Variants in EYA3 observed in about 807,000 individuals in gnomAD.
EYA3 encodes the protein EYA transcriptional coactivator and phosphatase 3, also known as protein phosphatase EYA3.
A neutral mutation model predicts 80.0 loss-of-function variants in EYA3; 39 were observed. The observed-to-expected ratio is 0.49, with a 90% CI of 0.38 to 0.64. The LOEUF (loss-of-function observed/expected upper bound fraction) is 0.64. Ranked by LOEUF, EYA3 falls within the 30% of genes least tolerant of loss-of-function variation. EYA3 has a pLI of 0.00. For missense variants in EYA3, 523 were observed against 676.1 expected (o/e 0.77, Z 2.51); for synonymous variants, 206 against 232.8 (o/e 0.88, Z 1.05).
chr1:28,051,494 G>A (rs1205038962), intron 2 of EYA3, among the ~76,000 whole-genome samples: 1 of 151,932 alleles, frequency 6.6e-6, no homozygotes, highest in East Asian at 1.9e-4. Context: ...CCGAGACCAG[G>A]CTGGCCAACA....
At chr1:27,978,191 CT>C (rs1160486012) in intron 17 of EYA3, among the ~76,000 whole-genome samples, 182 bp downstream of exon 17, 2 of 151,844 alleles carry the variant, frequency 1.3e-5, no homozygotes, top group Admixed American at 6.6e-5. Context: ...GATCTAAAAA[CT>C]TAAGAGGAAA....
intron 11 of EYA3, among the ~76,000 whole-genome samples, chr1:28,004,051 G>C (rs1213364850): frequency 3.9e-5 from 6 of 152,100 alleles, no homozygotes; most frequent in African/African-American, 1.4e-4. Context: ...GCTCTATTTT[G>C]AGCCTCATTT....
intron 16 of EYA3, 55 bp from the exon 17 acceptor site, chr1:27,978,529 A>C: frequency 6.9e-7 from 1 of 1,450,018 alleles, no homozygotes; most frequent in East Asian, 2.3e-5. Flanking sequence ...TTTCAAAACC[A>C]AAGAAGAGGG....
intron 2 of EYA3, among the ~76,000 whole-genome samples, chr1:28,052,631 T>C (rs986117757): frequency 1.3e-5 from 2 of 152,154 alleles, no homozygotes; most frequent in African/African-American, 4.8e-5. Flanking sequence ...CTTAGGAGAA[T>C]ATGTATGCTC....
intron 1 of EYA3, among the ~76,000 whole-genome samples, chr1:28,063,008 CA>C (rs1250302998): frequency 0.087 from 7,383 of 85,176 alleles, 218 homozygotes; most frequent in Middle Eastern, 0.21. Context: ...CGCTCCATCT[CA>C]AAAAAAAAAA....
At chr1:28,052,200 G>A (rs1644276363) in intron 2 of EYA3, among the ~76,000 whole-genome samples, 1 of 152,052 alleles carries the variant, frequency 6.6e-6, no homozygotes, top group Non-Finnish European at 1.5e-5. Context: ...TAACGGAGAT[G>A]GGGTTTCACC....
intron 1 of EYA3, among the ~76,000 whole-genome samples, chr1:28,083,903 G>A (rs901704793): frequency 1.3e-5 from 2 of 152,176 alleles, no homozygotes; most frequent in Non-Finnish European, 2.9e-5. Flanking sequence ...TACACAGTAG[G>A]TGCCTAAACA....
At chr1:28,051,237 TCCA>T (rs1557618896) in intron 2 of EYA3, among the ~76,000 whole-genome samples, 12 of 152,020 alleles carry the variant, frequency 7.9e-5, no homozygotes, top group South Asian at 2.1e-4. Flanking sequence ...TCCTAACGAA[TCCA>T]TTAAGAAACC....
chr1:27,988,237 C>T (rs1639800209), intron 16 of EYA3, among the ~76,000 whole-genome samples: 1 of 152,100 alleles, frequency 6.6e-6, no homozygotes, highest in Non-Finnish European at 1.5e-5. Flanking sequence ...ATACTACATA[C>T]TCTCTGTGAA....
At chr1:28,007,623 C>A (rs143690733) in intron 10 of EYA3, among the ~76,000 whole-genome samples, 1 of 152,020 alleles carries the variant, frequency 6.6e-6, no homozygotes, top group African/African-American at 2.4e-5. Context: ...TGAGCCACTG[C>A]GCCCGGCCAA....
intron 7 of EYA3, among the ~76,000 whole-genome samples, chr1:28,026,543 G>A (rs1220835228): frequency 3.3e-5 from 5 of 152,084 alleles, no homozygotes; most frequent in African/African-American, 7.2e-5. Flanking sequence ...ACTTTAGCCC[G>A]GAAGGTGAAG....
chr1:28,035,544 C>G lies in EYA3; in HGVS notation c.361G>C (p.Gly121Arg). Residue 121 changes from glycine to arginine, a missense_variant and splice_region_variant, in exon 6 of 18, where the codon GGT (glycine) becomes CGT (arginine). Physicochemically the swap from Gly to Arg is moderately radical, Grantham distance 125 (BLOSUM62 -2). Around this residue, in one of 2 missense-constraint regions of EYA3, gnomAD observed 304 missense variants for 343.3 expected, o/e 0.89. Transcript: ENST00000373871. ...AATTGTTTACAATACAGTGCCTTAC[C>G]AAAAGGAGGTAGTCCATACGTTTGG... ...ATQTYGLPPFGALWPGMKPES... is the reference protein window; with the variant it reads ...ATQTYGLPPFRALWPGMKPES... 1 of 1,611,430 alleles carries G rather than the reference C, an allele frequency of 6.2e-7. No homozygotes were observed. The highest frequency in any genetic ancestry group is 8.5e-7 in the Non-Finnish European group (1 of 1,179,228).
intron 16 of EYA3, among the ~76,000 whole-genome samples, chr1:27,987,773 G>A (rs1299692095): frequency 6.6e-6 from 1 of 152,056 alleles, no homozygotes; most frequent in Non-Finnish European, 1.5e-5. Flanking sequence ...TGCAAGCTCC[G>A]CCTCCCAGGT....
In EYA3 at chr1:28,017,963, G is replaced by C. The variant is rs570679877; in HGVS notation, c.500-724C>G. On this transcript the variant is annotated intron_variant, in intron 7 of 17. Transcript: ENST00000373871. The stretch of plus-strand genomic sequence containing the variant: ...GTATCCCAGCACTTTCGGAGGCCGA[G>C]GCAGGCAGATCATTTGAGGCCAGGA... Among the ~76,000 whole-genome samples the C allele has an allele frequency of 3.3e-5, 5 of 152,234 alleles. No individual in the cohort carries two copies. The South Asian group carries it at 1.0e-3, about 32-fold the overall frequency.
intron 10 of EYA3, among the ~76,000 whole-genome samples, chr1:28,010,631 A>G (rs1641625890): frequency 6.6e-6 from 1 of 152,150 alleles, no homozygotes; most frequent in South Asian, 2.1e-4. Context: ...TCAGCCTCCC[A>G]AAGTGCTGGG....
chr1:27,971,598 ACAAC>A lies in EYA3; in HGVS notation c.*2864_*2867del, dbSNP rs1397284723. 2.0e-5 allele frequency: 2 copies of A among 99,978 alleles called. No homozygotes were observed. Among genetic ancestry groups the A allele is most frequent in the African/African-American group, 7.3e-5 (2 of 27,220 alleles). The allele number at this position is 99,978 out of a possible 1,614,324, so 6.2% of individuals were successfully genotyped here. ...GACAGAGCGAGACTCCATCTCAACA[ACAAC>A]AACAAAAAAAAAAAAAAAAAAAAAA... On this transcript the variant is annotated 3_prime_UTR_variant, in exon 18 of 18. Transcript: ENST00000373871.
At position 28,013,344 on chromosome 1, in the gene EYA3, TC is replaced by T. The variant is rs1641823699; in HGVS notation, c.586-51del. On this transcript the variant is annotated intron_variant, in intron 8 of 17. Coordinates refer to ENST00000373871, the MANE Select transcript of EYA3 (RefSeq NM_001990.4). This position sits in a 1 kb window ranked among gnomAD's most constrained non-coding sequence, Gnocchi z 4.0. ...ACAAGACTCTTATAGCATACATTAATCTCAACACAAGAGGCTTTCTTCTCCC... is the reference window on the plus strand; with the variant it reads ...ACAAGACTCTTATAGCATACATTAATTCAACACAAGAGGCTTTCTTCTCCC... 2 of 1,411,720 alleles carry T rather than the reference TC, an allele frequency of 1.4e-6. No homozygotes were observed. The highest frequency in any genetic ancestry group is 4.8e-5 in the East Asian group (2 of 41,388). The allele number at this position is 1,411,720 out of a possible 1,614,324, so 87.4% of individuals were successfully genotyped here.
At chr1:28,023,139 G>A (rs767680244) in intron 7 of EYA3, among the ~76,000 whole-genome samples, 1 of 151,946 alleles carries the variant, frequency 6.6e-6, no homozygotes, top group Non-Finnish European at 1.5e-5. Context: ...AAAGGCATAG[G>A]AGCCAACTGA....
chr1:28,045,944 G>A (rs1643987837), intron 3 of EYA3, among the ~76,000 whole-genome samples: 1 of 152,124 alleles, frequency 6.6e-6, no homozygotes, highest in Non-Finnish European at 1.5e-5. Flanking sequence ...TTAAAAAGAG[G>A]AAATTCTGAC....
Sources: gnomAD v4.1 joint callset for allele counts (sites outside exome capture counted in the v4.1 genomes callset) on GRCh38, gnomAD v4.1.1 for gene constraint, gnomAD v4.1.1 regional missense constraint, Gnocchi (gnomAD v3.1) non-coding constraint, MANE v1.5 for transcripts, NCBI Gene and HGNC (gene_info 2026-07-23, HGNC 2026-07-21) for gene names.